The following GPHN variants were observed in gnomAD, a reference collection of about 807,000 sequenced individuals.
GPHN encodes the protein gephyrin.
GPHN carries 17 observed loss-of-function variants against 95.5 expected under a neutral mutation model. That is an observed-to-expected ratio of 0.18 (90% CI 0.12 to 0.27). The LOEUF is 0.27. Among genes scored for constraint, GPHN ranks in the 10% least tolerant of loss-of-function variants. The pLI is 1.00. For synonymous variants in GPHN, 320 were observed against 322.5 expected, an observed-to-expected ratio of 0.99 and a Z score of 0.08; for missense variants, 660 against 978.1, an observed-to-expected ratio of 0.67 and a Z score of 4.34.
At chr14:67,492,527 T>C in the GPHN span, among the ~76,000 whole-genome samples, 6 of 152,182 alleles carry the variant, frequency 3.9e-5, no homozygotes, top group African/African-American at 9.7e-5. Flanking sequence ...CCCATGTCCT[T>C]AGGGTGTCCT....
At chr14:66,560,053 T>TA (rs2060165474) in intron 1 of GPHN, among the ~76,000 whole-genome samples, 1 of 152,144 alleles carries the variant, frequency 6.6e-6, no homozygotes, top group Admixed American at 6.5e-5. Context: ...TAGTTGTAGA[T>TA]ATGCGGCGTT....
the GPHN span, among the ~76,000 whole-genome samples, chr14:67,667,530 A>G: frequency 6.6e-6 from 1 of 152,244 alleles, no homozygotes; most frequent in East Asian, 1.9e-4. Context: ...AATAATACAC[A>G]TAACATTCAC....
At position 67,171,219 on chromosome 14, in the gene GPHN, T is replaced by A. The variant is rs111739242; in HGVS notation, c.2079+2183T>A. ...ACAAAAAGAAAATGTAAAAAAAAAA[T>A]GAAAATAAAATGTCATCCTTTCATA... is the stretch of plus-strand genomic sequence containing the variant. On this transcript the variant is annotated intron_variant, in intron 21 of 22. Coordinates refer to ENST00000478722, the MANE Select transcript of GPHN (RefSeq NM_020806.5). Among the ~76,000 whole-genome samples the A allele has an allele frequency of 3.0e-3, 448 of 151,392 alleles. 4 individuals are homozygous for A. The highest frequency in any genetic ancestry group is 0.01 in the African/African-American group (415 of 41,296).
At chr14:67,407,977 T>C in the GPHN span, among the ~76,000 whole-genome samples, 1 of 151,990 alleles carries the variant, frequency 6.6e-6, no homozygotes, top group Non-Finnish European at 1.5e-5. Context: ...TACTGAGACA[T>C]TGTCTCTTGA....
intron 3 of GPHN, among the ~76,000 whole-genome samples, chr14:66,787,757 T>C (rs1360099115): frequency 1.3e-5 from 2 of 151,638 alleles, no homozygotes; most frequent in African/African-American, 2.4e-5. Context: ...GCTGGAGCAA[T>C]TGGAAATCAA....
chr14:66,967,855 C>T (rs2069453332), intron 9 of GPHN, among the ~76,000 whole-genome samples: 1 of 151,702 alleles, frequency 6.6e-6, no homozygotes, highest in East Asian at 1.9e-4. Flanking sequence ...TCACCAGGGG[C>T]GTGAAGAATG....
At chr14:67,048,162 G>A (rs1235839228) in intron 10 of GPHN, among the ~76,000 whole-genome samples, 1 of 152,130 alleles carries the variant, frequency 6.6e-6, no homozygotes, top group East Asian at 1.9e-4. Context: ...GTGACCCTTT[G>A]GAGGCTTTCT....
At chr14:66,931,279 TC>T (rs1267800923) in intron 8 of GPHN, among the ~76,000 whole-genome samples, 1 of 152,230 alleles carries the variant, frequency 6.6e-6, no homozygotes, top group African/African-American at 2.4e-5. Flanking sequence ...TAGGATCCTT[TC>T]TTTATCCTTG....
chr14:66,570,165 A>G (rs1234264915), intron 1 of GPHN, among the ~76,000 whole-genome samples: 1 of 152,070 alleles, frequency 6.6e-6, no homozygotes, highest in Non-Finnish European at 1.5e-5. Context: ...GTATATGTAT[A>G]TACCACATTT....
At chr14:67,068,578 A>G (rs141620338) in intron 11 of GPHN, among the ~76,000 whole-genome samples, 6 of 152,286 alleles carry the variant, frequency 3.9e-5, no homozygotes, top group African/African-American at 1.4e-4. Context: ...TCTATATACA[A>G]TGGAAAAACT....
chr14:66,755,039 G>A (rs1449701315), intron 2 of GPHN, among the ~76,000 whole-genome samples: 3 of 151,940 alleles, frequency 2.0e-5, no homozygotes, highest in African/African-American at 7.2e-5. Context: ...TGTTAATTTT[G>A]TAGTCTTCCT....
chr14:66,665,256 C>T (rs1457969099), intron 1 of GPHN, among the ~76,000 whole-genome samples: 1 of 152,148 alleles, frequency 6.6e-6, no homozygotes, highest in African/African-American at 2.4e-5. Context: ...CAAACTGAAT[C>T]CAGCTTATCC....
chr14:66,765,450 G>A (rs1218215468), intron 2 of GPHN, among the ~76,000 whole-genome samples: 1 of 152,048 alleles, frequency 6.6e-6, no homozygotes, highest in Non-Finnish European at 1.5e-5. Context: ...AAAGGAATGA[G>A]AGCATGTCTT....
chr14:67,496,407 T>G, the GPHN span, among the ~76,000 whole-genome samples: 2 of 131,598 alleles, frequency 1.5e-5, no homozygotes, highest in South Asian at 2.8e-4. Flanking sequence ...TTTTTTTTTT[T>G]TTTTTTTTTT....
the GPHN span, chr14:67,659,672 A>T: frequency 6.6e-7 from 1 of 1,504,614 alleles, no homozygotes; most frequent in South Asian, 1.3e-5. Flanking sequence ...AATATAGTTA[A>T]TTTTTGTACC....
At chr14:67,707,033 T>A in the GPHN span, among the ~76,000 whole-genome samples, 46 of 152,318 alleles carry the variant, frequency 3.0e-4, 1 homozygote, top group African/African-American at 1.1e-3. Flanking sequence ...CATACATCAG[T>A]AGGCAGGTAT....
the GPHN span, chr14:67,340,293 GTAA>G: frequency 3.1e-6 from 2 of 655,288 alleles, no homozygotes; most frequent in Non-Finnish European, 5.1e-6. Flanking sequence ...ACAACTTCTG[GTAA>G]TAATATTTCT....
chr14:66,777,980 C>T (rs1299068256), intron 3 of GPHN, among the ~76,000 whole-genome samples: 2 of 152,142 alleles, frequency 1.3e-5, no homozygotes, highest in African/African-American at 2.4e-5. Context: ...CCAGGGCAAT[C>T]AGGCAGGAGA....
At chr14:66,668,678 G>A (rs2066111990) in intron 1 of GPHN, among the ~76,000 whole-genome samples, 2 of 152,002 alleles carry the variant, frequency 1.3e-5, no homozygotes, top group African/African-American at 2.4e-5. Context: ...AATAACTAGT[G>A]GATACTAGTC....
Sources: gnomAD v4.1 joint callset for allele counts (sites outside exome capture counted in the v4.1 genomes callset) on GRCh38, gnomAD v4.1.1 for gene constraint, MANE v1.5 for transcripts, NCBI Gene and HGNC (gene_info 2026-07-23, HGNC 2026-07-21) for gene names.